Variants in IRS2 observed in about 807,000 individuals in gnomAD.
IRS2 encodes the protein insulin receptor substrate 2.
Under a neutral mutation model 70.9 loss-of-function variants are expected in IRS2, and 28 were observed. The observed-to-expected ratio is 0.39, with a 90% confidence interval of 0.29 to 0.54. IRS2 has a LOEUF of 0.54. Ranked by LOEUF, IRS2 falls within the 20% of genes least tolerant of loss-of-function variation. IRS2 has a pLI of 0.59. For missense variants in IRS2, 2,081 were observed against 2,024.1 expected (o/e 1.03, Z -0.54); for synonymous variants, 1,217 against 981.9 (o/e 1.24, Z -4.48).
In IRS2 at chr13:109,783,270, C is replaced by A; in HGVS notation, c.2784G>T (p.Gly928=). 6.9e-7 allele frequency: 1 copy of A among 1,457,586 alleles called. No individual in the cohort carries two copies. Among genetic ancestry groups the A allele is most frequent in the Non-Finnish European group, 9.0e-7 (1 of 1,109,888 alleles). 90.3% of individuals were successfully genotyped at this position (1,457,586 alleles called of 1,614,324 possible). Residue 928 remains glycine (G), a synonymous_variant, in exon 1 of 2, where the codon GGG becomes GGT. Transcript: ENST00000375856. The part of the protein sequence containing the change: ...EYINIDFGEP[G]ARLSPPAPPL... ...GAGGCGCGGGCGGCGACAGGCGGGC[C>A]CCGGGCTCGCCAAAGTCGATGTTGA...
rs778288547 is a variant in IRS2, at chr13:109,782,387, C to T, written c.3667G>A (p.Gly1223Ser). 3.1e-6 allele frequency: 5 copies of T among 1,610,088 alleles called. No individual in the cohort carries two copies. The highest frequency in any genetic ancestry group is 3.3e-4 in the Middle Eastern group (2 of 6,054). Residue 1223 changes from glycine (G) to serine (S), a missense_variant, in exon 1 of 2, where the codon GGT (glycine) becomes AGT (serine). Gly to Ser is a moderately conservative substitution (Grantham distance 56). Transcript: ENST00000375856. Reference sequence around the variant, plus strand: ...CAACCGACCAAGCCCCCGGGCTGACCCGGGGTCCACGGCCGGCCCTGCGGT... The same window carrying T: ...CAACCGACCAAGCCCCCGGGCTGACTCGGGGTCCACGGCCGGCCCTGCGGT... ...LAPQGRPWTP[G>S]QPGGLVGCPG...
intron 1 of IRS2, among the ~76,000 whole-genome samples, chr13:109,771,767 G>A (rs1230445846): frequency 6.6e-6 from 1 of 152,160 alleles, no homozygotes; most frequent in Admixed American, 6.5e-5. Context: ...CTGACCACAA[G>A]ACTCTACTTT....
At chr13:109,772,688 ATTT>A (rs34886741) in intron 1 of IRS2, among the ~76,000 whole-genome samples, 1 of 130,884 alleles carries the variant, frequency 7.6e-6, no homozygotes, top group Non-Finnish European at 1.6e-5. Context: ...TGCCTATTAC[ATTT>A]TTTTTTTTTT....
chr13:109,768,842 A>G (rs562697794), intron 1 of IRS2, among the ~76,000 whole-genome samples: 47 of 152,352 alleles, frequency 3.1e-4, no homozygotes, highest in African/African-American at 1.0e-3. Context: ...GCCAGGCTCA[A>G]CGGCGGGGCA....
Position 109,783,352 on chromosome 13 carries a change from A to T in IRS2, c.2702T>A (p.Leu901Gln). The T allele has an allele frequency of 6.4e-7, 1 of 1,550,776 alleles. No homozygotes were observed. Among genetic ancestry groups the T allele is most frequent in the Non-Finnish European group, 8.6e-7 (1 of 1,157,682 alleles). The change falls in exon 1 of 2, where the codon CTG (leucine) becomes CAG (glutamine). Residue 901 changes from leucine (L) to glutamine (Q), a missense_variant. Leu to Gln is a moderately radical substitution (Grantham distance 113). This residue lies in a region of IRS2 where 1,615 missense variants were observed against 1,459.5 expected (regional missense o/e 1.11). Coordinates refer to ENST00000375856, the MANE Select transcript of IRS2 (RefSeq NM_003749.3). The stretch of plus-strand genomic sequence containing the variant: ...CAGTGGGTACTCGTGCATGCTGGGC[A>T]GGCTGGGCAGCCCCTCCAGGGACAG... ...TRLSLEGLPS[L>Q]PSMHEYPLPP...
At position 109,782,921 on chromosome 13, in the gene IRS2, G is replaced by A. The variant is rs768037865; in HGVS notation, c.3133C>T (p.Pro1045Ser). ...PPAPGELYRLPPASAVATAQG... is the reference protein window; with the variant it reads ...PPAPGELYRLSPASAVATAQG... ...GCGGTGGCAACGGCCGAGGCGGGGG[G>A]CAGGCGGTACAGCTCCCCCGGGGCC... Residue 1045 changes from proline to serine, a missense_variant, in exon 1 of 2, where the codon CCC (proline) becomes TCC (serine). Physicochemically the swap from Pro to Ser is moderately conservative, Grantham distance 74 (BLOSUM62 -1). Around this residue, in one of 4 missense-constraint regions of IRS2, gnomAD observed 1,615 missense variants for 1,459.5 expected, o/e 1.11. Transcript: ENST00000375856. 11 of 1,542,796 alleles carry A rather than the reference G, an allele frequency of 7.1e-6. No individual in the cohort carries two copies. In the East Asian group the frequency reaches 7.4e-5, roughly 10 times the overall value.
chr13:109,778,530 A>G (rs938411965), intron 1 of IRS2, among the ~76,000 whole-genome samples: 2 of 151,732 alleles, frequency 1.3e-5, no homozygotes, highest in Non-Finnish European at 3.0e-5. Context: ...GCAAACTAGC[A>G]CCCGCCACAG....
chr13:109,785,256 G>A lies in IRS2; in HGVS notation c.798C>T (p.Gly266=), dbSNP rs1322770997. The A allele has an allele frequency of 3.1e-6, 5 of 1,606,898 alleles. No homozygotes were observed. In the East Asian group the frequency reaches 1.1e-4, roughly 36 times the overall value. ...FIEVGRSAVT[G]PGELWMQADD... ...CCGCCTGCATCCACAGCTCGCCGGG[G>A]CCTGTGACGGCCGAGCGGCCCACCT... The change falls in exon 1 of 2, where the codon GGC becomes GGT. Residue 266 remains glycine (G), a synonymous_variant. Coordinates refer to ENST00000375856, the MANE Select transcript of IRS2 (RefSeq NM_003749.3). This position sits in a 1 kb window ranked among gnomAD's most constrained non-coding sequence, Gnocchi z 9.3.
At chr13:109,772,835 A>G (rs1170619097) in intron 1 of IRS2, among the ~76,000 whole-genome samples, 1 of 151,650 alleles carries the variant, frequency 6.6e-6, no homozygotes, top group Non-Finnish European at 1.5e-5. Context: ...AGCTGGGACT[A>G]CAGGCGCCCG....
At chr13:109,762,066 C>T (rs1877238762) in intron 1 of IRS2, among the ~76,000 whole-genome samples, 1 of 152,186 alleles carries the variant, frequency 6.6e-6, no homozygotes, top group Admixed American at 6.5e-5. Context: ...TCCCTCTACA[C>T]ATTCAACTTT....
chr13:109,760,727 G>A (rs990017414), intron 1 of IRS2, among the ~76,000 whole-genome samples: 1 of 152,156 alleles, frequency 6.6e-6, no homozygotes, highest in Non-Finnish European at 1.5e-5. Context: ...AGAGCTGTCA[G>A]TAAAAGCTCC....
At chr13:109,761,351 C>T (rs924978907) in intron 1 of IRS2, among the ~76,000 whole-genome samples, 3 of 152,174 alleles carry the variant, frequency 2.0e-5, no homozygotes, top group African/African-American at 7.2e-5. Context: ...AAACGATACA[C>T]TTCTTAAAAT....
At chr13:109,779,432 C>A (rs1258678166) in intron 1 of IRS2, among the ~76,000 whole-genome samples, 1 of 152,208 alleles carries the variant, frequency 6.6e-6, no homozygotes, top group Non-Finnish European at 1.5e-5. Context: ...GGACACTGAT[C>A]TACTGTGAAC....
Position 109,784,409 on chromosome 13 carries a change from G to A in IRS2, c.1645C>T (p.Leu549=). 1 of 1,610,462 alleles carries A rather than the reference G, an allele frequency of 6.2e-7. No individual in the cohort carries two copies. The highest frequency in any genetic ancestry group is 1.3e-5 in the African/African-American group (1 of 74,988). Reference sequence around the variant, plus strand: ...CGGTAGGAGCGGCCACAGTGGCTCAGGGGCCTGTCCATGGTCATGTACCCG... The same window carrying A: ...CGGTAGGAGCGGCCACAGTGGCTCAAGGGCCTGTCCATGGTCATGTACCCG... ...FYGYMTMDRP[L]SHCGRSYRRV... The change falls in exon 1 of 2, where the codon CTG becomes TTG. Residue 549 remains leucine (L), a synonymous_variant. Coordinates refer to ENST00000375856, the MANE Select transcript of IRS2 (RefSeq NM_003749.3). The surrounding 1 kb of genome is among the most constrained non-coding windows in gnomAD (Gnocchi z 5.2).
rs2138931349 is a variant in IRS2 at position 109,782,987 on chromosome 13, C to T, written c.3067G>A (p.Ala1023Thr). ...PYPPLPPRPS[A>T]SPSSSLQPPP... ...GGCTGCAGAGACGACGACGGGGACGCGGACGGACGCGGGGGCAACGGCGGA... is the reference window on the plus strand; with the variant it reads ...GGCTGCAGAGACGACGACGGGGACGTGGACGGACGCGGGGGCAACGGCGGA... The change falls in exon 1 of 2, where the codon GCG becomes ACG. Residue 1023 changes from alanine (A) to threonine (T), a missense_variant. Coordinates refer to ENST00000375856, the MANE Select transcript of IRS2 (RefSeq NM_003749.3). 8 of 1,377,502 alleles carry T rather than the reference C, an allele frequency of 5.8e-6. No homozygotes were observed. The highest frequency in any genetic ancestry group is 7.5e-6 in the Non-Finnish European group (8 of 1,069,862). The allele number at this position is 1,377,502 out of a possible 1,614,324, so 85.3% of individuals were successfully genotyped here.
chr13:109,786,114 A>T lies in IRS2; in HGVS notation c.-61T>A. The T allele has an allele frequency of 1.0e-5, 9 of 862,480 alleles. No homozygotes were observed. Among genetic ancestry groups the T allele is most frequent in the South Asian group, 5.3e-5 (1 of 18,912 alleles). The allele number at this position is 862,480 out of a possible 1,614,324, so 53.4% of individuals were successfully genotyped here. On this transcript the variant is annotated 5_prime_UTR_variant, in exon 1 of 2. Transcript: ENST00000375856. The surrounding 1 kb of genome is among the most constrained non-coding windows in gnomAD (Gnocchi z 4.4). Reference sequence around the variant, plus strand: ...GCCCAGGGGTTGGGGCGAGGGGCGGAGGGGGCGCGGGCGGGGGCGGCTCCC... The same window carrying T: ...GCCCAGGGGTTGGGGCGAGGGGCGGTGGGGGCGCGGGCGGGGGCGGCTCCC...
chr13:109,764,784 C>G (rs1877300132), intron 1 of IRS2, among the ~76,000 whole-genome samples: 1 of 152,238 alleles, frequency 6.6e-6, no homozygotes, highest in South Asian at 2.1e-4. Context: ...CACGAACAAC[C>G]ACAACTGCAA....
intron 1 of IRS2, among the ~76,000 whole-genome samples, chr13:109,781,292 G>A (rs1877691042): frequency 6.6e-6 from 1 of 152,082 alleles, no homozygotes; most frequent in African/African-American, 2.4e-5. Context: ...CCTGGGCCGC[G>A]CCCCAAAGCT....
At chr13:109,767,637 T>C (rs1278311035) in intron 1 of IRS2, among the ~76,000 whole-genome samples, 1 of 151,996 alleles carries the variant, frequency 6.6e-6, no homozygotes, top group Non-Finnish European at 1.5e-5. Context: ...ACAGTAGTTC[T>C]GTCCTGTGTG....
Sources: allele counts gnomAD v4.1 joint callset (sites outside exome capture counted in the v4.1 genomes callset), GRCh38; gene constraint gnomAD v4.1.1; regional missense constraint gnomAD v4.1.1; non-coding constraint Gnocchi (gnomAD v3.1); transcripts MANE v1.5; gene names NCBI Gene and HGNC (gene_info 2026-07-23, HGNC 2026-07-21).